The following C5 variants were observed in gnomAD, a reference collection of about 807,000 sequenced individuals.
The protein encoded by C5 is complement C5, also known as C3 and PZP-like alpha-2-macroglobulin domain-containing protein 4.
C5 carries 140 observed loss-of-function variants against 218.8 expected under a neutral mutation model. The ratio of observed to expected loss-of-function variants is 0.64; its 90% CI spans 0.56 to 0.74. The LOEUF (loss-of-function observed/expected upper bound fraction) is 0.74. C5 is among the 30% of genes least tolerant of loss of function. The pLI is 0.00. For missense variants in C5, 1,700 were observed against 1,969.6 expected (o/e 0.86, Z 2.59); for synonymous variants, 614 against 682.3 (o/e 0.90, Z 1.56).
chr9:121,008,554 G>T, intron 17 of C5, 56 bp from the exon 18 acceptor site: 1 of 1,304,518 alleles, frequency 7.7e-7, no homozygotes, highest in Non-Finnish European at 1.1e-6. Context: ...CTACTTATAG[G>T]TGAATTTTAA....
At chr9:120,997,822 A>G (rs564862091) in intron 20 of C5, 48 bp from the exon 21 acceptor site, 1 of 1,511,364 alleles carries the variant, frequency 6.6e-7, no homozygotes, top group African/African-American at 1.4e-5. Flanking sequence ...TTTTTTTTTG[A>G]GACAGAGTCT....
intron 20 of C5, among the ~76,000 whole-genome samples, chr9:121,002,650 T>C (rs887476377): frequency 6.6e-6 from 1 of 152,018 alleles, no homozygotes; most frequent in Non-Finnish European, 1.5e-5. Context: ...CTCAAGCCCA[T>C]CTTGAATCAG....
At chr9:120,971,808 C>T (rs2046916558) in intron 31 of C5, 122 bp downstream of exon 31, 1 of 723,970 alleles carries the variant, frequency 1.4e-6, no homozygotes, top group Non-Finnish European at 2.5e-6. Context: ...TAAGTGAATC[C>T]CACTTTAGTC....
At chr9:121,027,316 C>T in intron 7 of C5, 42 bp from the exon 8 acceptor site, 1 of 915,284 alleles carries the variant, frequency 1.1e-6, no homozygotes, top group South Asian at 1.4e-5. Context: ...AACATGGTTA[C>T]AATAACAGGA....
At chr9:121,015,120 T>C in intron 16 of C5, 79 bp downstream of exon 16, 1 of 888,812 alleles carries the variant, frequency 1.1e-6, no homozygotes. Flanking sequence ...ATTAGGGGAA[T>C]TTATATAACA....
the C5 span, among the ~76,000 whole-genome samples, chr9:121,069,081 T>A: frequency 6.6e-6 from 1 of 152,130 alleles, no homozygotes; most frequent in African/African-American, 2.4e-5. Flanking sequence ...TTCCGGACAC[T>A]GGTCTAGGAA....
intron 12 of C5, among the ~76,000 whole-genome samples, chr9:121,018,979 TAGAG>T (rs1271117349): frequency 6.6e-6 from 1 of 152,016 alleles, no homozygotes; most frequent in Admixed American, 6.6e-5. Context: ...ACTAGTAAAT[TAGAG>T]AGCTAAAATT....
chr9:121,067,610 A>ATATGG, the C5 span, among the ~76,000 whole-genome samples: 1 of 151,666 alleles, frequency 6.6e-6, no homozygotes, highest in Non-Finnish European at 1.5e-5. Flanking sequence ...CATTTGAAAC[A>ATATGG]TATGGTATGG....
chr9:121,046,514 T>TA, intron 1 of C5, 131 bp from the exon 2 acceptor site: 1 of 675,512 alleles, frequency 1.5e-6, no homozygotes. Flanking sequence ...ATGATACTAA[T>TA]AAGTCAAAAT....
Position 120,991,310 on chromosome 9 carries a change from G to T in C5, c.2852-30C>A, listed in dbSNP as rs200098012. On this transcript the variant is annotated intron_variant, in intron 22 of 40. Coordinates refer to ENST00000223642, the MANE Select transcript of C5 (RefSeq NM_001735.3). ...AATTTAGAAAATTTGGATTTATACA[G>T]AGTTTCCAGGGGAAGACTGTTTGCA... 120 of 1,216,960 alleles carry T rather than the reference G, an allele frequency of 9.9e-5. 1 individual carries two copies. The highest frequency in any genetic ancestry group is 1.3e-5 in the Non-Finnish European group (11 of 817,670). 75.4% of individuals were successfully genotyped at this position (1,216,960 alleles called of 1,614,324 possible).
intron 8 of C5, among the ~76,000 whole-genome samples, chr9:121,026,343 T>C (rs1034426600): frequency 2.6e-5 from 4 of 152,202 alleles, no homozygotes; most frequent in African/African-American, 9.7e-5. Flanking sequence ...TCATTAGCCC[T>C]AAACTATGGA....
At chr9:121,061,941 C>A in the C5 span, among the ~76,000 whole-genome samples, 7 of 152,202 alleles carry the variant, frequency 4.6e-5, no homozygotes, top group African/African-American at 9.6e-5. Flanking sequence ...TGTGAATTAT[C>A]CTATCTTTCC....
At chr9:121,037,797 T>G in intron 4 of C5, 84 bp downstream of exon 4, 1 of 643,244 alleles carries the variant, frequency 1.6e-6, no homozygotes, top group Non-Finnish European at 2.8e-6. Context: ...AATGATTTAG[T>G]GTAGTGTGAG....
In C5 at chr9:121,006,984, G is replaced by A; in HGVS notation, c.2349-7C>T. The A allele has an allele frequency of 2.5e-6, 4 of 1,597,910 alleles. No homozygotes were observed. The highest frequency in any genetic ancestry group is 3.4e-6 in the Non-Finnish European group (4 of 1,165,344). On this transcript the variant is annotated splice_region_variant and splice_polypyrimidine_tract_variant and intron_variant, in intron 18 of 40. Transcript: ENST00000223642. ...GGCAAACTGCAACTGTTTTCTGGAA[G>A]TTAAAATGTTGATATTCAAATACAG...
chr9:120,952,681 G>T lies in C5; in HGVS notation c.*58C>A. ...TAAAAAAAGAAGAAAACAAAAAAACGAACTTCAACAACAGGAGTCCATAAG... is the reference window on the plus strand; with the variant it reads ...TAAAAAAAGAAGAAAACAAAAAAACTAACTTCAACAACAGGAGTCCATAAG... On this transcript the variant is annotated 3_prime_UTR_variant, in exon 41 of 41. Coordinates refer to ENST00000223642, the MANE Select transcript of C5 (RefSeq NM_001735.3). The T allele has an allele frequency of 1.3e-6, 2 of 1,584,182 alleles. No individual in the cohort carries two copies. Among genetic ancestry groups the T allele is most frequent in the South Asian group, 1.1e-5 (1 of 89,780 alleles).
At chr9:120,977,986 A>T (rs2046965487) in intron 28 of C5, among the ~76,000 whole-genome samples, 2 of 152,318 alleles carry the variant, frequency 1.3e-5, no homozygotes, top group Admixed American at 1.3e-4. Flanking sequence ...CACCATGCAT[A>T]TATAAGGGAT....
chr9:121,032,117 T>G lies in C5; in HGVS notation c.663A>C (p.Glu221Asp). ...TTGTAYFEVK[E>D]YVLPHFSVSI... ...CTTTTACTTGTCAGAAATTACCATA[T>G]TCTTTAACTTCAAAATATGCGGTTC... The change falls in exon 6 of 41, where the codon GAA (glutamate) becomes GAC (aspartate). Residue 221 changes from glutamate (E) to aspartate (D), a missense_variant. Transcript: ENST00000223642. The G allele has an allele frequency of 1.3e-6, 2 of 1,583,760 alleles. No individual in the cohort carries two copies. Among genetic ancestry groups the G allele is most frequent in the Non-Finnish European group, 1.7e-6 (2 of 1,152,728 alleles).
intron 1 of C5, among the ~76,000 whole-genome samples, chr9:121,048,738 G>C (rs928869226): frequency 2.6e-5 from 3 of 113,350 alleles, no homozygotes; most frequent in African/African-American, 1.1e-4. Flanking sequence ...AGTTTTCTTT[G>C]TCTTTCAATT....
At position 120,969,112 on chromosome 9, in the gene C5, T is replaced by C. The variant is rs768406772; in HGVS notation, c.4169A>G (p.His1390Arg). The change falls in exon 33 of 41, where the codon CAC becomes CGC. Residue 1390 changes from histidine to arginine, a missense_variant. Coordinates refer to ENST00000223642, the MANE Select transcript of C5 (RefSeq NM_001735.3). ...ATCAGAGTTTCCGTAGCCTCTGTAG[T>C]GGGATGCTGGCACATAAGACAAGAA... ...KIDTQDIEAS[H>R]YRGYGNSDYK... is the part of the protein sequence containing the mutation. The C allele has an allele frequency of 1.2e-6, 2 of 1,613,798 alleles. No homozygotes were observed. Among genetic ancestry groups the C allele is most frequent in the Non-Finnish European group, 1.7e-6 (2 of 1,179,682 alleles).
Sources: gnomAD v4.1 joint callset for allele counts (sites outside exome capture counted in the v4.1 genomes callset) on GRCh38, gnomAD v4.1.1 for gene constraint, MANE v1.5 for transcripts, NCBI Gene and HGNC (gene_info 2026-07-23, HGNC 2026-07-21) for gene names.